RANBP2: variants seen among roughly 807,000 people sequenced by gnomAD.
RANBP2 encodes the protein E3 SUMO-protein ligase RanBP2.
A neutral mutation model predicts 303.6 loss-of-function variants in RANBP2; 57 were observed. The observed-to-expected ratio is 0.19, with a 90% CI of 0.15 to 0.23. The LOEUF is 0.23. Among genes scored for constraint, RANBP2 ranks in the 10% least tolerant of loss-of-function variants. The pLI, the probability that RANBP2 is intolerant of heterozygous loss-of-function variation, is 1.00. For missense variants in RANBP2, 3,138 were observed against 3,780.8 expected (o/e 0.83, Z 4.46); for synonymous variants, 1,167 against 1,301.5 (o/e 0.90, Z 2.23).
the RANBP2 span, among the ~76,000 whole-genome samples, chr2:108,877,492 TAAA>T: frequency 4.0e-3 from 603 of 151,564 alleles, 5 homozygotes; most frequent in African/African-American, 0.013. Context: ...ATAAATAAAA[TAAA>T]AACGCAGAAG....
the RANBP2 span, among the ~76,000 whole-genome samples, chr2:109,692,339 TC>T: frequency 1.3e-5 from 2 of 152,044 alleles, no homozygotes; most frequent in African/African-American, 4.8e-5. Context: ...GTGGCACATC[TC>T]CTTGGGGTAA....
chr2:109,325,482 A>G, the RANBP2 span, among the ~76,000 whole-genome samples: 1 of 151,826 alleles, frequency 6.6e-6, no homozygotes, highest in Admixed American at 6.6e-5. Context: ...ATGGGACTAC[A>G]GGCATGTGCC....
the RANBP2 span, among the ~76,000 whole-genome samples, chr2:109,249,081 A>G: frequency 6.6e-6 from 1 of 152,034 alleles, no homozygotes; most frequent in Non-Finnish European, 1.5e-5. Flanking sequence ...ACAGCTCACT[A>G]TGTTGCCTAG....
chr2:108,725,779 C>A (rs1694653461), intron 1 of RANBP2, among the ~76,000 whole-genome samples: 1 of 150,656 alleles, frequency 6.6e-6, no homozygotes, highest in African/African-American at 2.4e-5. Flanking sequence ...ACGTGCTGTC[C>A]TGACTGCTGT....
the RANBP2 span, among the ~76,000 whole-genome samples, chr2:109,625,550 C>G: frequency 2.0e-5 from 3 of 151,720 alleles, no homozygotes; most frequent in Non-Finnish European, 4.4e-5. Flanking sequence ...CCTGTAGTCC[C>G]AGCTACTCGG....
At chr2:108,853,955 TATATATAATAAAATATATATAATATATA>T in the RANBP2 span, among the ~76,000 whole-genome samples, 4 of 118,438 alleles carry the variant, frequency 3.4e-5, no homozygotes, top group Admixed American at 1.1e-4. Context: ...ATACAATAAA[TATATATAATAAAATATATATAATATATA>T]ATATATAATA....
intron 18 of RANBP2, among the ~76,000 whole-genome samples, chr2:108,759,754 A>T (rs1676591386): frequency 6.6e-6 from 1 of 152,196 alleles, no homozygotes; most frequent in Non-Finnish European, 1.5e-5. Flanking sequence ...GTAAGAGGAT[A>T]AACAAACCGG....
chr2:109,390,187 A>G, the RANBP2 span, among the ~76,000 whole-genome samples: 1 of 152,224 alleles, frequency 6.6e-6, no homozygotes, highest in African/African-American at 2.4e-5. Flanking sequence ...CCCTTGTGGC[A>G]GTTCTTGGAG....
At chr2:108,901,297 A>G in the RANBP2 span, among the ~76,000 whole-genome samples, 2 of 152,228 alleles carry the variant, frequency 1.3e-5, no homozygotes, top group South Asian at 4.1e-4. Context: ...ATAAAAATAC[A>G]AGATGTCAAT....
At chr2:109,373,827 C>A in the RANBP2 span, among the ~76,000 whole-genome samples, 20 of 152,192 alleles carry the variant, frequency 1.3e-4, no homozygotes, top group African/African-American at 4.8e-4. Context: ...ACCAAGGCAG[C>A]TGACAGTAGC....
chr2:109,024,074 C>T, the RANBP2 span, among the ~76,000 whole-genome samples: 10 of 152,062 alleles, frequency 6.6e-5, no homozygotes, highest in Non-Finnish European at 1.3e-4. Context: ...TACAGGCATG[C>T]ACCACCACGC....
chr2:108,899,725 C>A, the RANBP2 span, among the ~76,000 whole-genome samples: 1 of 152,120 alleles, frequency 6.6e-6, no homozygotes, highest in Non-Finnish European at 1.5e-5. Context: ...GTGGCTCACA[C>A]CTATAATCCA....
At chr2:109,401,976 A>G in the RANBP2 span, among the ~76,000 whole-genome samples, 7 of 152,218 alleles carry the variant, frequency 4.6e-5, no homozygotes, top group African/African-American at 7.2e-5. Context: ...TGGCCAGGCT[A>G]CTGACTTTAG....
At chr2:108,843,844 T>TGTGTGTGTGTGTGTG in the RANBP2 span, among the ~76,000 whole-genome samples, 1 of 22,808 alleles carries the variant, frequency 4.4e-5, no homozygotes, top group African/African-American at 6.5e-5. Context: ...AGTTCATGTT[T>TGTGTGTGTGTGTGTG]TGTGTGTGTG....
the RANBP2 span, among the ~76,000 whole-genome samples, chr2:109,709,944 A>G: frequency 4.6e-5 from 7 of 151,958 alleles, no homozygotes; most frequent in African/African-American, 7.2e-5. Context: ...AAAATTAGCC[A>G]GGGGTGGTGG....
At chr2:109,640,867 T>C in the RANBP2 span, among the ~76,000 whole-genome samples, 1 of 152,204 alleles carries the variant, frequency 6.6e-6, no homozygotes, top group South Asian at 2.1e-4. Context: ...ACTGAGTGCC[T>C]GTCCACAACC....
chr2:109,239,727 C>T, the RANBP2 span, among the ~76,000 whole-genome samples: 1 of 152,178 alleles, frequency 6.6e-6, no homozygotes, highest in African/African-American at 2.4e-5. Flanking sequence ...AGTGCTCCAG[C>T]TTAAATGGAG....
intron 7 of RANBP2, among the ~76,000 whole-genome samples, chr2:108,744,689 T>C (rs183796743): frequency 6.6e-6 from 1 of 152,244 alleles, no homozygotes; most frequent in African/African-American, 2.4e-5. Context: ...TCAGAAGCTT[T>C]TAGGTTCATA....
the RANBP2 span, among the ~76,000 whole-genome samples, chr2:109,136,418 G>A: frequency 1.3e-5 from 2 of 152,150 alleles, no homozygotes; most frequent in African/African-American, 4.8e-5. Context: ...AGGGTGTCGA[G>A]CTGAAGGTAT....
Sources: gnomAD v4.1 joint callset for allele counts (sites outside exome capture counted in the v4.1 genomes callset) on GRCh38, gnomAD v4.1.1 for gene constraint, MANE v1.5 for transcripts, NCBI Gene and HGNC (gene_info 2026-07-23, HGNC 2026-07-21) for gene names.